KATNAL2: variants seen among roughly 807,000 people sequenced by gnomAD.
KATNAL2 encodes the protein katanin catalytic subunit A1 like 2.
In KATNAL2, 52 loss-of-function variants were observed where a neutral mutation model predicts 76.3. That is an observed-to-expected ratio of 0.68 (90% CI 0.55 to 0.86). The LOEUF is 0.86. KATNAL2 is among the 40% of genes least tolerant of loss of function. The pLI, the probability that KATNAL2 is intolerant of heterozygous loss-of-function variation, is 0.00. For missense variants in KATNAL2, 660 were observed against 668.9 expected (o/e 0.99, Z 0.15); for synonymous variants, 243 against 244.2 (o/e 1.00, Z 0.05).
At chr18:46,922,563 G>A (rs2058600079) in intron 1 of KATNAL2, among the ~76,000 whole-genome samples, 1 of 151,956 alleles carries the variant, frequency 6.6e-6, no homozygotes, top group Admixed American at 6.6e-5. Context: ...GGAGGCTGAG[G>A]TGGGTGGATC....
chr18:46,941,381 C>T (rs1204967975), intron 1 of KATNAL2, among the ~76,000 whole-genome samples: 2 of 152,006 alleles, frequency 1.3e-5, no homozygotes, highest in Non-Finnish European at 2.9e-5. Flanking sequence ...TCAGAAATCA[C>T]CTTACAAAAC....
At chr18:46,940,845 T>C (rs998246413) in intron 1 of KATNAL2, among the ~76,000 whole-genome samples, 3 of 152,154 alleles carry the variant, frequency 2.0e-5, no homozygotes, top group African/African-American at 4.8e-5. Context: ...CTAACATAGC[T>C]GGACTCCTGC....
chr18:46,951,493 G>A (rs991976836), intron 3 of KATNAL2, among the ~76,000 whole-genome samples: 13 of 148,094 alleles, frequency 8.8e-5, no homozygotes, highest in East Asian at 4.0e-4. Context: ...CTCTTTGGGC[G>A]TACTATACAG....
intron 3 of KATNAL2, among the ~76,000 whole-genome samples, chr18:46,959,562 T>C (rs1013799600): frequency 6.6e-6 from 1 of 152,212 alleles, no homozygotes; most frequent in Admixed American, 6.5e-5. Context: ...TAATGTTTGT[T>C]AGGTTTTACT....
At chr18:46,953,880 T>A (rs541394283) in intron 3 of KATNAL2, among the ~76,000 whole-genome samples, 1 of 152,308 alleles carries the variant, frequency 6.6e-6, no homozygotes, top group South Asian at 2.1e-4. Flanking sequence ...GCCCTTTTCA[T>A]TGGGGGATGC....
chr18:47,051,610 A>G lies in KATNAL2; in HGVS notation c.123-1270A>G, dbSNP rs559905799. ...CTGATTTAGTTTTTCTCTCTGTAAA[A>G]TGAGGATTAAGACATAGTATAGAAG... On this transcript the variant is annotated intron_variant, in intron 4 of 17. Transcript: ENST00000683218. Among the ~76,000 whole-genome samples the G allele has an allele frequency of 6.6e-5, 10 of 152,318 alleles. No homozygotes were observed. The South Asian group carries it at 2.1e-3, about 32-fold the overall frequency.
chr18:46,918,311 C>T (rs1276935284), intron 1 of KATNAL2, among the ~76,000 whole-genome samples: 6 of 152,108 alleles, frequency 3.9e-5, no homozygotes, highest in African/African-American at 7.2e-5. Context: ...TTGGGTGGAA[C>T]CCACACACGA....
chr18:46,924,327 T>C (rs556499870), intron 1 of KATNAL2, among the ~76,000 whole-genome samples: 2 of 152,346 alleles, frequency 1.3e-5, no homozygotes, highest in African/African-American at 2.4e-5. Context: ...ATTTATTAAA[T>C]AGGGAATCCT....
At chr18:47,090,192 C>T (rs1168173509) in intron 15 of KATNAL2, among the ~76,000 whole-genome samples, 3 of 151,986 alleles carry the variant, frequency 2.0e-5, no homozygotes, top group African/African-American at 7.2e-5. Flanking sequence ...CTGCAACCTT[C>T]GCCTCCCAAG....
chr18:46,918,930 G>C (rs2058321914), intron 1 of KATNAL2, among the ~76,000 whole-genome samples: 1 of 151,772 alleles, frequency 6.6e-6, no homozygotes, highest in Non-Finnish European at 1.5e-5. Flanking sequence ...TTCTTCCTGA[G>C]ATGTCTCCAT....
chr18:47,050,942 G>A (rs918428948), intron 4 of KATNAL2, among the ~76,000 whole-genome samples: 1 of 152,262 alleles, frequency 6.6e-6, no homozygotes, highest in Non-Finnish European at 1.5e-5. Context: ...AAGAAGACCA[G>A]AGTTTGAATG....
intron 1 of KATNAL2, among the ~76,000 whole-genome samples, chr18:46,936,824 G>A (rs1568990293): frequency 6.6e-6 from 1 of 151,998 alleles, no homozygotes; most frequent in Non-Finnish European, 1.5e-5. Flanking sequence ...GTGTGGTGGC[G>A]GGTGCCTGTA....
At chr18:47,099,436 G>A in intron 16 of KATNAL2, 31 bp downstream of exon 16, 1 of 1,574,862 alleles carries the variant, frequency 6.3e-7, no homozygotes, top group Non-Finnish European at 8.6e-7. Context: ...GCACATGTAG[G>A]TCAAGGGCCC....
At chr18:47,079,876 A>G (rs2062425446) in intron 15 of KATNAL2, among the ~76,000 whole-genome samples, 2 of 152,194 alleles carry the variant, frequency 1.3e-5, no homozygotes, top group Non-Finnish European at 1.5e-5. Flanking sequence ...ATCACGTTGC[A>G]TTATATCTAG....
chr18:47,084,500 C>T, intron 15 of KATNAL2: 1 of 674,176 alleles, frequency 1.5e-6, no homozygotes, highest in East Asian at 2.7e-5. Flanking sequence ...CAGGAGATAC[C>T]AAGTTAAAGA....
chr18:47,093,766 C>A (rs1280568032), intron 15 of KATNAL2, among the ~76,000 whole-genome samples: 1 of 152,188 alleles, frequency 6.6e-6, no homozygotes, highest in Non-Finnish European at 1.5e-5. Flanking sequence ...CTACCTTGGC[C>A]TCCTAATGCA....
intron 1 of KATNAL2, among the ~76,000 whole-genome samples, chr18:46,924,283 T>C (rs1243860364): frequency 6.6e-6 from 1 of 152,242 alleles, no homozygotes; most frequent in Non-Finnish European, 1.5e-5. Context: ...CAGTTTCAGC[T>C]TTCTGCATAT....
intron 3 of KATNAL2, among the ~76,000 whole-genome samples, chr18:46,957,050 A>G (rs2059771950): frequency 2.0e-5 from 3 of 151,452 alleles, no homozygotes; most frequent in African/African-American, 4.8e-5. Context: ...AAAAAAAAAA[A>G]AAAAGAAAAA....
At chr18:46,942,186 A>G (rs2059265373) in intron 1 of KATNAL2, among the ~76,000 whole-genome samples, 1 of 117,670 alleles carries the variant, frequency 8.5e-6, no homozygotes, top group Non-Finnish European at 1.9e-5. Context: ...TAGAACTCAT[A>G]TCTAATACAG....
Sources: gnomAD v4.1 joint callset for allele counts (sites outside exome capture counted in the v4.1 genomes callset) on GRCh38, gnomAD v4.1.1 for gene constraint, MANE v1.5 for transcripts, NCBI Gene and HGNC (gene_info 2026-07-23, HGNC 2026-07-21) for gene names.